The following RNF217 variants were observed in gnomAD, a reference collection of about 807,000 sequenced individuals.
The protein encoded by RNF217 is E3 ubiquitin-protein ligase RNF217.
RNF217 carries 31 observed loss-of-function variants against 57.8 expected under a neutral mutation model. The observed-to-expected ratio is 0.54, with a 90% CI of 0.40 to 0.72. RNF217 has a LOEUF of 0.72. Ranked by LOEUF, RNF217 falls within the 30% of genes least tolerant of loss-of-function variation. The pLI is 0.00. For missense variants in RNF217, 696 were observed against 708.3 expected, an observed-to-expected ratio of 0.98 and a Z score of 0.20; for synonymous variants, 313 against 294.0, an observed-to-expected ratio of 1.06 and a Z score of -0.66.
At chr6:125,052,899 T>G (rs1245121261) in intron 2 of RNF217, among the ~76,000 whole-genome samples, 1 of 152,108 alleles carries the variant, frequency 6.6e-6, no homozygotes, top group Non-Finnish European at 1.5e-5. Context: ...CATGGTATAT[T>G]TTGGGGGACA....
intron 1 of RNF217, among the ~76,000 whole-genome samples, chr6:125,015,979 A>G (rs1404167020): frequency 6.6e-6 from 1 of 152,196 alleles, no homozygotes; most frequent in Admixed American, 6.5e-5. Flanking sequence ...AGAAAGCACA[A>G]TACAGAGCAG....
At chr6:125,063,642 T>G (rs185359774) in intron 3 of RNF217, among the ~76,000 whole-genome samples, 80 of 151,878 alleles carry the variant, frequency 5.3e-4, no homozygotes, top group African/African-American at 1.8e-3. Context: ...CACTATTAAG[T>G]GATTTGATAA....
Position 125,058,408 on chromosome 6 carries a change from G to A in RNF217, c.1281+302G>A, listed in dbSNP as rs539988491. 7.0e-4 allele frequency among the ~76,000 whole-genome samples: 107 copies of A among 152,154 alleles called. 1 individual carries two copies. Among genetic ancestry groups the A allele is most frequent in the African/African-American group, 2.2e-3 (90 of 41,508 alleles). The stretch of plus-strand genomic sequence containing the variant: ...ATGTACTTTATAGGAAAAATATAGC[G>A]TAAAAGTGATATAAAAGTATAAGTT... On this transcript the variant is annotated intron_variant, in intron 3 of 5. Coordinates refer to ENST00000521654, the MANE Select transcript of RNF217 (RefSeq NM_001286398.3).
intron 3 of RNF217, among the ~76,000 whole-genome samples, chr6:125,061,595 T>G (rs547340193): frequency 6.6e-6 from 1 of 151,906 alleles, no homozygotes; most frequent in South Asian, 2.1e-4. Flanking sequence ...CCCTGTTTTC[T>G]ATTTCTTCCT....
In RNF217 at chr6:125,082,942, C is replaced by A. The variant is rs765067697; in HGVS notation, c.*5C>A. The A allele has an allele frequency of 5.0e-6, 8 of 1,586,758 alleles. No individual in the cohort carries two copies. In the Admixed American group the frequency reaches 1.3e-4, roughly 26 times the overall value. On this transcript the variant is annotated 3_prime_UTR_variant, in exon 6 of 6. Transcript: ENST00000521654. The stretch of plus-strand genomic sequence containing the variant: ...CGGACAGGTATGCACTGGTAACATG[C>A]AGATGATTTCATCCAGCTAAGCTGG...
intron 2 of RNF217, among the ~76,000 whole-genome samples, chr6:125,052,326 A>ATTTGTTTTGC (rs1787357035): frequency 7.7e-6 from 1 of 129,866 alleles, no homozygotes; most frequent in African/African-American, 2.9e-5. Context: ...GTGTGGTTTT[A>ATTTGTTTTGC]TTTGTTTTGT....
chr6:124,987,230 T>C (rs1047022482), intron 1 of RNF217, among the ~76,000 whole-genome samples: 8 of 152,236 alleles, frequency 5.3e-5, no homozygotes, highest in African/African-American at 1.9e-4. Context: ...TTGAAATATG[T>C]TTCACATATC....
chr6:125,054,935 C>T (rs1022811043), intron 2 of RNF217, among the ~76,000 whole-genome samples: 7 of 152,104 alleles, frequency 4.6e-5, no homozygotes, highest in African/African-American at 1.4e-4. Context: ...ACTAAGAAGG[C>T]AGGCACTCCA....
At chr6:125,064,970 T>C (rs1429224466) in intron 3 of RNF217, among the ~76,000 whole-genome samples, 4 of 152,072 alleles carry the variant, frequency 2.6e-5, no homozygotes, top group Non-Finnish European at 5.9e-5. Context: ...ACACAGTAGT[T>C]ATATAACTGA....
At chr6:124,964,972 A>G (rs189103861) in intron 1 of RNF217, among the ~76,000 whole-genome samples, 1 of 152,358 alleles carries the variant, frequency 6.6e-6, no homozygotes, top group East Asian at 1.9e-4. Context: ...CATTCCAGAA[A>G]TTCAAGGGAG....
chr6:125,055,901 T>TA (rs1289247576), intron 2 of RNF217, among the ~76,000 whole-genome samples: 4 of 152,176 alleles, frequency 2.6e-5, no homozygotes, highest in African/African-American at 9.6e-5. Flanking sequence ...TGTTTTCTTT[T>TA]AAAAATGATT....
chr6:124,997,287 T>A (rs1470802257), intron 1 of RNF217, among the ~76,000 whole-genome samples: 1 of 152,184 alleles, frequency 6.6e-6, no homozygotes, highest in Non-Finnish European at 1.5e-5. Context: ...TTCCCCACCC[T>A]GAGCTTTATA....
chr6:124,999,533 G>A (rs1784890735), intron 1 of RNF217, among the ~76,000 whole-genome samples: 1 of 151,592 alleles, frequency 6.6e-6, no homozygotes, highest in Non-Finnish European at 1.5e-5. Flanking sequence ...AAAATGCACT[G>A]TACTTTAGGC....
intron 1 of RNF217, among the ~76,000 whole-genome samples, chr6:125,014,542 T>C (rs1396284794): frequency 6.6e-6 from 1 of 152,218 alleles, no homozygotes; most frequent in African/African-American, 2.4e-5. Flanking sequence ...TGAATCCATC[T>C]CTGTGATGAT....
intron 1 of RNF217, among the ~76,000 whole-genome samples, chr6:124,986,764 G>T (rs1185802228): frequency 2.6e-5 from 4 of 152,118 alleles, no homozygotes; most frequent in African/African-American, 9.7e-5. Context: ...TAATACAAGA[G>T]AAAAGACAAA....
chr6:125,082,882 T>C lies in RNF217; in HGVS notation c.1574T>C (p.Ile525Thr), dbSNP rs766765475. The C allele has an allele frequency of 6.2e-7, 1 of 1,603,264 alleles. No homozygotes were observed. Among genetic ancestry groups the C allele is most frequent in the African/African-American group, 1.3e-5 (1 of 74,212 alleles). The change falls in exon 6 of 6, where the codon ATC becomes ACC. Residue 525 changes from isoleucine (I) to threonine (T), a missense_variant. Coordinates refer to ENST00000521654, the MANE Select transcript of RNF217 (RefSeq NM_001286398.3). The part of the protein sequence containing the change: ...AVVIGLFVFP[I>T]YCLCKKQRKR... ...TCCCTAGGTTTATTTGTATTTCCTA[T>C]CTATTGCCTTTGTAAAAAACAGAGA...
intron 1 of RNF217, among the ~76,000 whole-genome samples, chr6:125,035,234 G>T (rs942545867): frequency 1.3e-5 from 2 of 151,890 alleles, no homozygotes; most frequent in African/African-American, 2.4e-5. Context: ...CCAACACTAT[G>T]TTGAATAGGA....
At chr6:125,052,325 T>G (rs1348650827) in intron 2 of RNF217, among the ~76,000 whole-genome samples, 1,605 of 138,800 alleles carry the variant, frequency 0.012, 36 homozygotes, top group African/African-American at 0.049. Context: ...TGTGTGGTTT[T>G]ATTTGTTTTG....
intron 1 of RNF217, among the ~76,000 whole-genome samples, chr6:125,043,491 A>G (rs1582745522): frequency 6.6e-6 from 1 of 151,978 alleles, no homozygotes; most frequent in East Asian, 1.9e-4. Context: ...AAGCTTCAGT[A>G]CCTAGCCCGT....
Sources: allele counts gnomAD v4.1 joint callset (sites outside exome capture counted in the v4.1 genomes callset), GRCh38; gene constraint gnomAD v4.1.1; transcripts MANE v1.5; gene names NCBI Gene and HGNC (gene_info 2026-07-23, HGNC 2026-07-21).